The following PLD5 variants were observed in gnomAD, a reference collection of about 807,000 sequenced individuals.
The protein encoded by PLD5 is inactive phospholipase D5.
In PLD5, 36 loss-of-function variants were observed where a neutral mutation model predicts 61.1. The observed-to-expected ratio is 0.59, with a 90% confidence interval of 0.45 to 0.78. PLD5 has a LOEUF of 0.78. Ranked by LOEUF, PLD5 falls within the 30% of genes least tolerant of loss-of-function variation. The probability of loss-of-function intolerance (pLI) is 0.00; values close to 1 mark genes in which losing one functional copy is unlikely to be tolerated. For synonymous variants in PLD5, 243 were observed against 242.8 expected, an observed-to-expected ratio of 1.00 and a Z score of -0.01; for missense variants, 515 against 644.4, an observed-to-expected ratio of 0.80 and a Z score of 2.17.
At chr1:242,507,734 A>G (rs1668772542) in intron 1 of PLD5, among the ~76,000 whole-genome samples, 2 of 152,218 alleles carry the variant, frequency 1.3e-5, no homozygotes, top group Non-Finnish European at 2.9e-5. Flanking sequence ...CTCTGTTCAT[A>G]TCGGGAAGGA....
At chr1:242,168,888 A>G (rs1411144393) in intron 5 of PLD5, among the ~76,000 whole-genome samples, 2 of 108,896 alleles carry the variant, frequency 1.8e-5, no homozygotes, top group Non-Finnish European at 3.4e-5. Context: ...TGATTCCATT[A>G]CTGAATGTTC....
intron 1 of PLD5, among the ~76,000 whole-genome samples, chr1:242,435,646 T>C (rs955365070): frequency 5.9e-5 from 9 of 152,196 alleles, no homozygotes; most frequent in Admixed American, 2.6e-4. Flanking sequence ...AGGTTATGTA[T>C]TGACCAGCTG....
At chr1:242,350,072 A>T (rs1305251428) in intron 1 of PLD5, among the ~76,000 whole-genome samples, 1 of 152,104 alleles carries the variant, frequency 6.6e-6, no homozygotes, top group East Asian at 1.9e-4. Context: ...AAGGCCTTAA[A>T]GAGCTCCCTT....
rs1332464881 is a variant in PLD5, at chr1:242,087,478, A to G, written c.*2376T>C. 6.6e-6 allele frequency: 1 copy of G among 152,006 alleles called. No homozygotes were observed. Among genetic ancestry groups the G allele is most frequent in the South Asian group, 2.1e-4 (1 of 4,816 alleles). 9.4% of individuals were successfully genotyped at this position (152,006 alleles called of 1,614,324 possible). A position where few individuals can be genotyped will look rare whatever the true frequency, so the allele number is the denominator to read the frequency against. On this transcript the variant is annotated 3_prime_UTR_variant, in exon 10 of 10. Transcript: ENST00000536534. The stretch of plus-strand genomic sequence containing the variant: ...TCAGGGGACAACTTGAGAACTAACA[A>G]ATTTTAGTTTATTTGGTTTTTTTTT...
intron 1 of PLD5, among the ~76,000 whole-genome samples, chr1:242,485,410 C>T (rs539599749): frequency 1.3e-5 from 2 of 151,582 alleles, no homozygotes; most frequent in South Asian, 2.1e-4. Flanking sequence ...AGCATTCTTA[C>T]ACACCAATAA....
intron 5 of PLD5, among the ~76,000 whole-genome samples, chr1:242,143,051 A>C (rs1353258002): frequency 6.7e-6 from 1 of 149,354 alleles, no homozygotes; most frequent in African/African-American, 2.5e-5. Context: ...TTTTTGAGAC[A>C]GAGTCTCCCT....
At chr1:242,478,913 C>A (rs1222114952) in intron 1 of PLD5, among the ~76,000 whole-genome samples, 3 of 152,116 alleles carry the variant, frequency 2.0e-5, no homozygotes, top group African/African-American at 7.2e-5. Flanking sequence ...GAATAGATTA[C>A]AAAATATTCA....
chr1:242,112,325 A>AAGTATATG (rs1558232968), intron 7 of PLD5, among the ~76,000 whole-genome samples: 5 of 55,152 alleles, frequency 9.1e-5, no homozygotes, highest in Non-Finnish European at 1.2e-4. Context: ...GTGTGTGTGT[A>AAGTATATG]TGTATGTATA....
At chr1:242,132,985 C>T (rs1022597837) in intron 5 of PLD5, among the ~76,000 whole-genome samples, 7 of 151,928 alleles carry the variant, frequency 4.6e-5, no homozygotes, top group African/African-American at 1.7e-4. Context: ...GGATCAGAGG[C>T]TATTCCCTTT....
At chr1:242,197,210 G>A (rs920476847) in intron 5 of PLD5, among the ~76,000 whole-genome samples, 6 of 152,134 alleles carry the variant, frequency 3.9e-5, no homozygotes, top group African/African-American at 1.4e-4. Flanking sequence ...TACTGCCACT[G>A]GACTTAGTTC....
chr1:242,164,289 G>C (rs930268021), intron 5 of PLD5, among the ~76,000 whole-genome samples: 1 of 152,088 alleles, frequency 6.6e-6, no homozygotes, highest in African/African-American at 2.4e-5. Context: ...GTGAATGTGG[G>C]GGAAGTGACT....
chr1:242,112,748 T>C (rs1164860358), intron 7 of PLD5, among the ~76,000 whole-genome samples: 2 of 152,288 alleles, frequency 1.3e-5, no homozygotes, highest in South Asian at 2.1e-4. Flanking sequence ...ATGCTTATTT[T>C]GAAACTGTAA....
At chr1:242,458,531 A>G (rs1414389265) in intron 1 of PLD5, among the ~76,000 whole-genome samples, 1 of 152,254 alleles carries the variant, frequency 6.6e-6, no homozygotes, top group Non-Finnish European at 1.5e-5. Context: ...AGAATTATGG[A>G]GATTAACAAT....
intron 5 of PLD5, among the ~76,000 whole-genome samples, chr1:242,128,830 C>T (rs1156812637): frequency 6.6e-6 from 1 of 152,164 alleles, no homozygotes; most frequent in Non-Finnish European, 1.5e-5. Context: ...TTCAGCTCTT[C>T]ACTTCCTCCA....
chr1:242,329,707 T>C (rs1659050716), intron 2 of PLD5, among the ~76,000 whole-genome samples: 1 of 152,198 alleles, frequency 6.6e-6, no homozygotes, highest in Admixed American at 6.5e-5. Context: ...TCGGGGGAGT[T>C]TCTTGAGTCC....
chr1:242,333,542 C>T (rs944338634), intron 2 of PLD5, among the ~76,000 whole-genome samples: 4 of 151,996 alleles, frequency 2.6e-5, no homozygotes, highest in Non-Finnish European at 5.9e-5. Context: ...GGACTGGTTA[C>T]GGGAAAGTTT....
chr1:242,168,686 G>A (rs1441173544), intron 5 of PLD5, among the ~76,000 whole-genome samples: 3 of 152,152 alleles, frequency 2.0e-5, no homozygotes, highest in Non-Finnish European at 2.9e-5. Context: ...ACAACAATCC[G>A]CTGCAAAACA....
chr1:242,241,991 C>T (rs1574593748), intron 4 of PLD5, among the ~76,000 whole-genome samples: 1 of 115,318 alleles, frequency 8.7e-6, no homozygotes, highest in African/African-American at 3.3e-5. Context: ...TATATACTTA[C>T]TATATATATA....
intron 5 of PLD5, among the ~76,000 whole-genome samples, chr1:242,180,613 C>A (rs1156450561): frequency 6.6e-6 from 1 of 152,112 alleles, no homozygotes; most frequent in Admixed American, 6.6e-5. Context: ...ATAGGAATCA[C>A]CTGGACGGCT....
Sources: allele counts gnomAD v4.1 joint callset (sites outside exome capture counted in the v4.1 genomes callset), GRCh38; gene constraint gnomAD v4.1.1; transcripts MANE v1.5; gene names NCBI Gene and HGNC (gene_info 2026-07-23, HGNC 2026-07-21).